ASH1L: variants seen among roughly 807,000 people sequenced by gnomAD.
The protein encoded by ASH1L is histone-lysine N-methyltransferase ASH1L.
Under a neutral mutation model 269.0 loss-of-function variants are expected in ASH1L, and 23 were observed. That is an observed-to-expected ratio of 0.09 (90% CI 0.06 to 0.12). The LOEUF (loss-of-function observed/expected upper bound fraction) is 0.12, where lower values mean the gene tolerates loss of function less well. Ranked by LOEUF, ASH1L falls within the 10% of genes least tolerant of loss-of-function variation. The pLI is 1.00. For missense variants in ASH1L, 2,912 were observed against 3,567.8 expected, an observed-to-expected ratio of 0.82 and a Z score of 4.68; for synonymous variants, 1,187 against 1,253.5, an observed-to-expected ratio of 0.95 and a Z score of 1.12.
At chr1:155,487,983 G>A (rs575806978) in intron 2 of ASH1L, among the ~76,000 whole-genome samples, 187 of 151,970 alleles carry the variant, frequency 1.2e-3, no homozygotes, top group Non-Finnish European at 2.2e-3. Context: ...CGCCTCCCGG[G>A]TCCAAGCAAT....
chr1:155,409,274 C>T (rs1229258834), intron 6 of ASH1L, among the ~76,000 whole-genome samples: 2 of 152,066 alleles, frequency 1.3e-5, no homozygotes, highest in Non-Finnish European at 2.9e-5. Context: ...GATCTGCCTC[C>T]TACAGTTCTC....
In ASH1L at chr1:155,375,431, C is replaced by A. The variant is rs542935592; in HGVS notation, c.6332+2850G>T. Among the ~76,000 whole-genome samples, 352 of 152,224 alleles carry A rather than the reference C, an allele frequency of 2.3e-3. 1 individual carries two copies. Among genetic ancestry groups the A allele is most frequent in the African/African-American group, 8.1e-3 (337 of 41,540 alleles). ...ATCTGAAATTAGATGCTGTAAACTA[C>A]AATGTGAGGTCTTTGATTTAGTACA... On this transcript the variant is annotated intron_variant, in intron 10 of 27. Transcript: ENST00000392403.
chr1:155,513,152 G>C (rs534687578), intron 2 of ASH1L, among the ~76,000 whole-genome samples: 3 of 152,122 alleles, frequency 2.0e-5, no homozygotes, highest in East Asian at 3.9e-4. Flanking sequence ...TAAAAATACA[G>C]AATAACTGTT....
chr1:155,350,619 T>A (rs944911289), intron 17 of ASH1L, among the ~76,000 whole-genome samples: 2 of 152,124 alleles, frequency 1.3e-5, no homozygotes, highest in Non-Finnish European at 2.9e-5. Context: ...TGCCCTTAAT[T>A]AATAGTAATT....
chr1:155,538,299 T>G (rs1376242850), intron 1 of ASH1L, among the ~76,000 whole-genome samples: 1 of 151,986 alleles, frequency 6.6e-6, no homozygotes, highest in African/African-American at 2.4e-5. Flanking sequence ...CACCTCAGCC[T>G]CCCAAAGTGC....
At chr1:155,376,935 T>A (rs1656508561) in intron 10 of ASH1L, among the ~76,000 whole-genome samples, 2 of 151,396 alleles carry the variant, frequency 1.3e-5, no homozygotes, top group Admixed American at 1.3e-4. Context: ...GAGATGGAGT[T>A]TCCCTCTTGT....
chr1:155,490,614 T>TCTCACACA (rs1553267799), intron 2 of ASH1L, among the ~76,000 whole-genome samples: 5 of 142,312 alleles, frequency 3.5e-5, no homozygotes, highest in Non-Finnish European at 7.6e-5. Context: ...CCAGACTACG[T>TCTCACACA]CACACACACA....
chr1:155,412,534 C>T (rs1659891183), intron 6 of ASH1L, among the ~76,000 whole-genome samples: 1 of 152,186 alleles, frequency 6.6e-6, no homozygotes, highest in Admixed American at 6.5e-5. Flanking sequence ...AAGCTCTATG[C>T]TCCTTCCCCA....
At position 155,345,981 on chromosome 1, in the gene ASH1L, G is replaced by A. The variant is rs1022217816; in HGVS notation, c.7890+402C>T. On this transcript the variant is annotated intron_variant, in intron 21 of 27. Transcript: ENST00000392403. The stretch of plus-strand genomic sequence containing the variant: ...CAAGTACCTGAGACTTCAGGTGCAC[G>A]CCTCCATGCCCGGCTAATTTTTTTT... 1.1e-5 allele frequency: 4 copies of A among 366,338 alleles called. 1 individual carries two copies. Among genetic ancestry groups the A allele is most frequent in the South Asian group, 4.3e-5 (2 of 46,398 alleles). 22.7% of individuals were successfully genotyped at this position (366,338 alleles called of 1,614,324 possible). A position where few individuals can be genotyped will look rare whatever the true frequency, so the allele number is the denominator to read the frequency against.
At chr1:155,552,879 TAACTA>T in intron 1 of ASH1L, among the ~76,000 whole-genome samples, 1 of 152,254 alleles carries the variant, frequency 6.6e-6, no homozygotes, top group Middle Eastern at 3.4e-3. Context: ...AGAAAATAAA[TAACTA>T]AAATAATAAC....
Position 155,547,186 on chromosome 1 carries a change from C to G in ASH1L, c.-100+14967G>C, listed in dbSNP as rs146921102. 9.9e-5 allele frequency among the ~76,000 whole-genome samples: 15 copies of G among 150,952 alleles called. 2 individuals carry two copies. In the South Asian group the frequency reaches 2.7e-3, roughly 27 times the overall value. ...CAGGATGGTTTAGATCTCTTGACCT[C>G]GTGATCTGCCCGCCTTGGCCTCCCA... On this transcript the variant is annotated intron_variant, in intron 1 of 27. Transcript: ENST00000392403.
intron 7 of ASH1L, among the ~76,000 whole-genome samples, chr1:155,391,817 G>A (rs760481525): frequency 6.6e-6 from 1 of 152,006 alleles, no homozygotes; most frequent in African/African-American, 2.4e-5. Flanking sequence ...TTAGCCAAGT[G>A]TGGTAGTGCA....
chr1:155,531,426 G>A (rs989534567), intron 1 of ASH1L, among the ~76,000 whole-genome samples: 1 of 151,322 alleles, frequency 6.6e-6, no homozygotes, highest in South Asian at 2.1e-4. Context: ...GCGTGATCTC[G>A]GCTCACTGCA....
At chr1:155,475,888 A>C (rs1191685802) in intron 3 of ASH1L, among the ~76,000 whole-genome samples, 4 of 152,090 alleles carry the variant, frequency 2.6e-5, no homozygotes, top group Non-Finnish European at 5.9e-5. Context: ...AATTTTAACA[A>C]CACGTAATGT....
intron 2 of ASH1L, 31 bp from the exon 3 acceptor site, chr1:155,482,480 G>C: frequency 1.3e-6 from 2 of 1,576,412 alleles, no homozygotes; most frequent in Non-Finnish European, 1.7e-6. Context: ...AAGTTAAAGA[G>C]GGAGTAAACC....
intron 2 of ASH1L, among the ~76,000 whole-genome samples, chr1:155,502,413 TACTC>T (rs1182618081): frequency 6.6e-6 from 1 of 152,136 alleles, no homozygotes; most frequent in African/African-American, 2.4e-5. Context: ...AGGAAATAAA[TACTC>T]ACATTCTCAA....
intron 5 of ASH1L, chr1:155,434,310 G>C: frequency 4.5e-6 from 7 of 1,563,540 alleles, no homozygotes; most frequent in Non-Finnish European, 6.1e-6. Flanking sequence ...GGAGGAGCTA[G>C]GGAAAGAGAA....
chr1:155,339,387 A>T lies in ASH1L; in HGVS notation c.8461-19T>A, dbSNP rs1057000069. The T allele has an allele frequency of 6.2e-7, 1 of 1,613,130 alleles. No individual in the cohort carries two copies. Among genetic ancestry groups the T allele is most frequent in the East Asian group, 2.2e-5 (1 of 44,872 alleles). ...AATGAGGCTGCAGAGAAGAAAAGGA[A>T]GAGGTAAGCATATTGTAGAAGCTGG... On this transcript the variant is annotated intron_variant, in intron 25 of 27. Coordinates refer to ENST00000392403, the MANE Select transcript of ASH1L (RefSeq NM_018489.3).
chr1:155,526,719 C>G (rs887840228), intron 1 of ASH1L, among the ~76,000 whole-genome samples: 4 of 152,172 alleles, frequency 2.6e-5, no homozygotes, highest in African/African-American at 9.7e-5. Flanking sequence ...ATATATCTAC[C>G]TACCTTCCTA....
Sources: gnomAD v4.1 joint callset for allele counts (sites outside exome capture counted in the v4.1 genomes callset) on GRCh38, gnomAD v4.1.1 for gene constraint, MANE v1.5 for transcripts, NCBI Gene and HGNC (gene_info 2026-07-23, HGNC 2026-07-21) for gene names.